Variants in POLQ observed in about 807,000 individuals in gnomAD.
POLQ encodes DNA polymerase theta.
POLQ carries 233 observed loss-of-function variants against 259.2 expected under a neutral mutation model. The observed-to-expected ratio is 0.90, with a 90% CI of 0.81 to 1.00. The LOEUF is 1.00. Among genes scored for constraint, POLQ ranks in the 50% least tolerant of loss-of-function variants. The pLI is 0.00. For missense variants in POLQ, 2,871 were observed against 3,051.6 expected, an observed-to-expected ratio of 0.94 and a Z score of 1.39; for synonymous variants, 1,025 against 1,048.8, an observed-to-expected ratio of 0.98 and a Z score of 0.44.
chr3:121,510,037 AC>A lies in POLQ; in HGVS notation c.1816+1del, dbSNP rs2048241099. 1 of 1,608,086 alleles carries A rather than the reference AC, an allele frequency of 6.2e-7. No homozygotes were observed. Among genetic ancestry groups the A allele is most frequent in the Non-Finnish European group, 8.5e-7 (1 of 1,174,538 alleles). On this transcript the variant is annotated splice_donor_variant, in intron 11 of 29. Coordinates refer to ENST00000264233, the MANE Select transcript of POLQ (RefSeq NM_199420.4). LOFTEE classifies it high-confidence loss of function. Reference sequence around the variant, plus strand: ...AAATTGCAACTGAGAAGTCACACTTACCTTCTGTTCCATCACTGGCTTCTGT... The same window carrying A: ...AAATTGCAACTGAGAAGTCACACTTACTTCTGTTCCATCACTGGCTTCTGT...
chr3:121,466,782 G>C (rs1215734489), intron 24 of POLQ, among the ~76,000 whole-genome samples: 3 of 151,934 alleles, frequency 2.0e-5, no homozygotes, highest in African/African-American at 7.3e-5. Flanking sequence ...TGATAGTTTA[G>C]ACATAAGTAA....
At chr3:121,541,850 C>G (rs1455690947) in intron 2 of POLQ, among the ~76,000 whole-genome samples, 1 of 152,096 alleles carries the variant, frequency 6.6e-6, no homozygotes. Context: ...AAGGGCTGGG[C>G]ATGGTGGCTC....
intron 9 of POLQ, among the ~76,000 whole-genome samples, chr3:121,513,617 A>G (rs1460406065): frequency 2.0e-5 from 3 of 150,358 alleles, no homozygotes; most frequent in African/African-American, 7.3e-5. Flanking sequence ...AAAAAAAAAA[A>G]AAAAAAAAAA....
chr3:121,459,353 C>T (rs571275949), intron 25 of POLQ, among the ~76,000 whole-genome samples: 1 of 146,700 alleles, frequency 6.8e-6, no homozygotes, highest in East Asian at 2.1e-4. Flanking sequence ...CCTCAGAACA[C>T]TTACAGACTA....
chr3:121,449,713 G>T (rs1414720662), intron 25 of POLQ, among the ~76,000 whole-genome samples: 2 of 152,148 alleles, frequency 1.3e-5, no homozygotes, highest in Non-Finnish European at 2.9e-5. Context: ...CCTTTATCCA[G>T]CAGTCTTTAT....
intron 24 of POLQ, among the ~76,000 whole-genome samples, chr3:121,461,957 A>T (rs2047795728): frequency 6.6e-6 from 1 of 152,166 alleles, no homozygotes; most frequent in Admixed American, 6.5e-5. Context: ...GATAAATACT[A>T]ATTTAAAATA....
chr3:121,491,346 C>CAAAA (rs3045625), intron 15 of POLQ, among the ~76,000 whole-genome samples: 174 of 77,974 alleles, frequency 2.2e-3, no homozygotes, highest in Middle Eastern at 0.01. Flanking sequence ...GAGACTGTCA[C>CAAAA]AAAAAAAAAA....
At chr3:121,545,636 G>T (rs1015650154) in intron 1 of POLQ, 79 bp downstream of exon 1, 1 of 1,355,638 alleles carries the variant, frequency 7.4e-7, no homozygotes, top group Non-Finnish European at 9.9e-7. Flanking sequence ...AGCAAGTCCC[G>T]TGGGGTGAGG....
intron 21 of POLQ, among the ~76,000 whole-genome samples, chr3:121,472,431 T>C (rs2047891807): frequency 6.6e-6 from 1 of 152,200 alleles, no homozygotes; most frequent in South Asian, 2.1e-4. Flanking sequence ...ACAAAGTAAC[T>C]GCCTCCCCAC....
At chr3:121,499,111 A>C (rs2048146815) in intron 12 of POLQ, among the ~76,000 whole-genome samples, 1 of 150,896 alleles carries the variant, frequency 6.6e-6, no homozygotes. Flanking sequence ...AAAATTACTT[A>C]AAATAAAAAG....
chr3:121,460,986 A>G lies in POLQ; in HGVS notation c.6968-752T>C, dbSNP rs146915943. Among the ~76,000 whole-genome samples, 475 of 152,326 alleles carry G rather than the reference A, an allele frequency of 3.1e-3. 3 individuals carry two copies. Among genetic ancestry groups the G allele is most frequent in the African/African-American group, 0.011 (446 of 41,578 alleles). On this transcript the variant is annotated intron_variant, in intron 24 of 29. Coordinates refer to ENST00000264233, the MANE Select transcript of POLQ (RefSeq NM_199420.4). ...TTGTTACTTGTGGAGGAAAAGACAA[A>G]CTATAAATAAGAAGTTCAGACATAA...
Position 121,541,428 on chromosome 3 carries a change from C to T in POLQ, c.395G>A (p.Arg132Gln), listed in dbSNP as rs751386063. 6.2e-6 allele frequency: 10 copies of T among 1,611,478 alleles called. No homozygotes were observed. Among genetic ancestry groups the T allele is most frequent in the South Asian group, 2.2e-5 (2 of 90,718 alleles). The change falls in exon 3 of 30, where the codon CGG becomes CAG. Residue 132 changes from arginine to glutamine, a missense_variant. By Grantham distance (43) the Arg-to-Gln change is conservative. This residue lies in a region of POLQ where 783 missense variants were observed against 906.2 expected (regional missense o/e 0.86). Coordinates refer to ENST00000264233, the MANE Select transcript of POLQ (RefSeq NM_199420.4). ...AGCTTTCTTCCGCATTTCCAAAACC[C>T]GCTTCAAAATAAGTAATTCTGCCAC... Reference protein sequence around the residue: ...TLVAELLILKRVLEMRKKALF... With the variant: ...TLVAELLILKQVLEMRKKALF...
chr3:121,509,497 C>T, intron 12 of POLQ, 64 bp downstream of exon 12: 2 of 1,396,320 alleles, frequency 1.4e-6, no homozygotes, highest in East Asian at 2.3e-5. Context: ...CTTTGATGTT[C>T]AGGATTATAT....
Position 121,489,134 on chromosome 3 carries a change from C to G in POLQ, c.3797G>C (p.Ser1266Thr), listed in dbSNP as rs1309982513. The G allele has an allele frequency of 6.2e-7, 1 of 1,613,874 alleles. No individual in the cohort carries two copies. The highest frequency in any genetic ancestry group is 8.5e-7 in the Non-Finnish European group (1 of 1,179,874). ...GDDISRTVIP[S>T]EVLPSAGAFS... ...TGCTCCAGCTGATGGAAGTACTTCA[C>G]TGGGTATCACAGTTCTGCTTATATC... Residue 1266 changes from serine (S) to threonine (T), a missense_variant, in exon 16 of 30, where the codon AGT (serine) becomes ACT (threonine). Ser to Thr is a moderately conservative substitution (Grantham distance 58). Transcript: ENST00000264233.
intron 13 of POLQ, 98 bp from the exon 14 acceptor site, chr3:121,497,030 G>C: frequency 8.4e-7 from 1 of 1,185,186 alleles, no homozygotes; most frequent in Non-Finnish European, 1.2e-6. Context: ...AGGCAACAGA[G>C]GGCTTATATA....
At chr3:121,498,267 G>A (rs1485113181) in intron 13 of POLQ, among the ~76,000 whole-genome samples, 3 of 151,606 alleles carry the variant, frequency 2.0e-5, no homozygotes, top group Non-Finnish European at 4.4e-5. Context: ...CTGAGATCGC[G>A]CTATTGCACT....
At chr3:121,459,743 T>C (rs1421444856) in intron 25 of POLQ, among the ~76,000 whole-genome samples, 2 of 152,150 alleles carry the variant, frequency 1.3e-5, no homozygotes, top group Non-Finnish European at 2.9e-5. Flanking sequence ...ACACACGCAC[T>C]CTGACCACCA....
At position 121,509,568 on chromosome 3, in the gene POLQ, A is replaced by C; in HGVS notation, c.1952T>G (p.Leu651Arg). 1 of 1,610,364 alleles carries C rather than the reference A, an allele frequency of 6.2e-7. No homozygotes were observed. The highest frequency in any genetic ancestry group is 8.5e-7 in the Non-Finnish European group (1 of 1,178,786). Residue 651 changes from leucine to arginine, a missense_variant, in exon 12 of 30, where the codon CTC (leucine) becomes CGC (arginine). Coordinates refer to ENST00000264233, the MANE Select transcript of POLQ (RefSeq NM_199420.4). ...TGTTAAAACAGAACTTACCAGATAG[A>C]GAATATGAAGATCATTCTCTAAAAC... ...GFVLENDLHI[L>R]YLVTPMFEDW...
intron 13 of POLQ, 48 bp from the exon 14 acceptor site, chr3:121,496,980 T>C (rs748749002): frequency 1.3e-6 from 2 of 1,597,124 alleles, no homozygotes; most frequent in Admixed American, 1.8e-5. Context: ...TCACGTCTAC[T>C]AGGCGATACA....
Sources: allele counts gnomAD v4.1 joint callset (sites outside exome capture counted in the v4.1 genomes callset), GRCh38; gene constraint gnomAD v4.1.1; regional missense constraint gnomAD v4.1.1; transcripts MANE v1.5; gene names NCBI Gene and HGNC (gene_info 2026-07-23, HGNC 2026-07-21).